DNHD1: variants seen among roughly 807,000 people sequenced by gnomAD.
The protein encoded by DNHD1 is dynein heavy chain domain-containing protein 1.
DNHD1 carries 383 observed loss-of-function variants against 458.1 expected under a neutral mutation model. That is an observed-to-expected ratio of 0.84 (90% CI 0.77 to 0.91). DNHD1 has a LOEUF of 0.91. Ranked by LOEUF, DNHD1 falls within the 40% of genes least tolerant of loss-of-function variation. The pLI is 0.00. For missense variants in DNHD1, 5,336 were observed against 5,866.1 expected, an observed-to-expected ratio of 0.91 and a Z score of 2.95; for synonymous variants, 2,203 against 2,376.9, an observed-to-expected ratio of 0.93 and a Z score of 2.13.
Position 6,520,039 on chromosome 11 carries a change from T to A in DNHD1, c.1722T>A (p.Cys574Ter). ...ATGGTCAACTGTCTCATGTGCCCTGTGTTGAAAATATGATCCAGACTCTAA... is the reference window on the plus strand; with the variant it reads ...ATGGTCAACTGTCTCATGTGCCCTGAGTTGAAAATATGATCCAGACTCTAA... ...DDHGQLSHVP[C>*]VENMIQTLTG... Residue 574 changes from cysteine to a stop codon, truncating the protein, a stop_gained, in exon 9 of 43, where the codon TGT (cysteine) becomes TGA (stop). Coordinates refer to ENST00000254579, the MANE Select transcript of DNHD1 (RefSeq NM_144666.3). LOFTEE classifies it high-confidence loss of function. 1 of 1,614,180 alleles carries A rather than the reference T, an allele frequency of 6.2e-7. No homozygotes were observed. Among genetic ancestry groups the A allele is most frequent in the Non-Finnish European group, 8.5e-7 (1 of 1,180,024 alleles).
chr11:6,502,677 A>T, intron 3 of DNHD1, 76 bp from the exon 4 acceptor site: 1 of 1,397,996 alleles, frequency 7.2e-7, no homozygotes, highest in Non-Finnish European at 9.5e-7. Flanking sequence ...TTCACTAGCC[A>T]ACAGTGGCAA....
At chr11:6,560,081 T>C (rs1353924264) in intron 28 of DNHD1, among the ~76,000 whole-genome samples, 2 of 152,250 alleles carry the variant, frequency 1.3e-5, no homozygotes, top group African/African-American at 2.4e-5. Context: ...GTTAAAGGTG[T>C]CTTCCCAAAC....
chr11:6,566,408 G>A lies in DNHD1; in HGVS notation c.11206+15G>A. On this transcript the variant is annotated intron_variant, in intron 34 of 42. Transcript: ENST00000254579. ...CATGGAAAAAGGTGAGGCCCAGAGG[G>A]CAAATTGCCAGCACAGTTGTGTGGA... 1.3e-6 allele frequency: 2 copies of A among 1,557,604 alleles called. No homozygotes were observed. Among genetic ancestry groups the A allele is most frequent in the Non-Finnish European group, 8.7e-7 (1 of 1,150,498 alleles).
intron 3 of DNHD1, among the ~76,000 whole-genome samples, chr11:6,501,245 G>C (rs1419997157): frequency 1.3e-5 from 2 of 151,858 alleles, no homozygotes; most frequent in Non-Finnish European, 2.9e-5. Context: ...TTAGCTTGAA[G>C]GGAAAAGACA....
chr11:6,547,709 A>C (rs554023448), intron 21 of DNHD1, 43 bp downstream of exon 21: 1 of 1,496,128 alleles, frequency 6.7e-7, no homozygotes, highest in Non-Finnish European at 9.0e-7. Context: ...TGGGGCCTTA[A>C]GGGTAGCTGG....
At chr11:6,538,288 T>A in intron 14 of DNHD1, 95 bp from the exon 15 acceptor site, 4 of 1,106,610 alleles carry the variant, frequency 3.6e-6, no homozygotes, top group Non-Finnish European at 5.3e-6. Context: ...TTCTGGACCC[T>A]ACCTTCTGTC....
intron 4 of DNHD1, chr11:6,508,432 A>G (rs1278380434): frequency 6.4e-6 from 1 of 155,614 alleles, no homozygotes; most frequent in Non-Finnish European, 1.4e-5. Context: ...GTCTTTCAGT[A>G]CCCAAGTATA....
chr11:6,524,906 A>G (rs1051106073), intron 10 of DNHD1, among the ~76,000 whole-genome samples: 2 of 152,214 alleles, frequency 1.3e-5, no homozygotes, highest in Non-Finnish European at 1.5e-5. Context: ...GTCTTGAAGT[A>G]GGTGCTTCCA....
rs1029553366 is a variant in DNHD1 at position 6,545,832 on chromosome 11, C to G, written c.4893C>G (p.Pro1631=). The part of the protein sequence containing the change: ...QSLKTIASSE[P]SLSPAACWID... Reference sequence around the variant, plus strand: ...TTAAGACTATTGCATCTTCTGAACCCTCTCTGTCACCAGCGGCATGCTGGA... The same window carrying G: ...TTAAGACTATTGCATCTTCTGAACCGTCTCTGTCACCAGCGGCATGCTGGA... The change falls in exon 21 of 43, where the codon CCC becomes CCG. Residue 1631 remains proline (P), a synonymous_variant. Transcript: ENST00000254579. This position sits in a 1 kb window ranked among gnomAD's most constrained non-coding sequence, Gnocchi z 4.9. 6.4e-7 allele frequency: 1 copy of G among 1,551,780 alleles called. No homozygotes were observed.
rs753566498 is a variant in DNHD1, at chr11:6,546,091, G to A, written c.5152G>A (p.Glu1718Lys). 23 of 1,551,418 alleles carry A rather than the reference G, an allele frequency of 1.5e-5. No homozygotes were observed. The highest frequency in any genetic ancestry group is 5.9e-5 in the Admixed American group (3 of 50,994). ...LVMLPCSPQIEAQCLSNYLNG... is the reference protein window; with the variant it reads ...LVMLPCSPQIKAQCLSNYLNG... ...GATGCTACCCTGCTCACCTCAGATAGAGGCTCAATGCCTGAGCAACTATCT... is the reference window on the plus strand; with the variant it reads ...GATGCTACCCTGCTCACCTCAGATAAAGGCTCAATGCCTGAGCAACTATCT... Residue 1718 changes from glutamate to lysine, a missense_variant, in exon 21 of 43, where the codon GAG (glutamate) becomes AAG (lysine). Glu to Lys is a moderately conservative substitution (Grantham distance 56). Transcript: ENST00000254579.
Position 6,547,305 on chromosome 11 carries a change from C to G in DNHD1, c.6366C>G (p.Thr2122=), listed in dbSNP as rs1013152680. 1.2e-5 allele frequency: 19 copies of G among 1,551,728 alleles called. No homozygotes were observed. The African/African-American group carries it at 2.1e-4, about 17-fold the overall frequency. ...AGCAGATAGCACGACCCCCAGGCACCTTTCTCTTGATGGAGGTGGCTGACA... is the reference window on the plus strand; with the variant it reads ...AGCAGATAGCACGACCCCCAGGCACGTTTCTCTTGATGGAGGTGGCTGACA... ...SGQQIARPPG[T]FLLMEVADTT... is the part of the protein sequence containing the mutation. The change falls in exon 21 of 43, where the codon ACC becomes ACG. Residue 2122 remains threonine (T), a synonymous_variant. Transcript: ENST00000254579.
chr11:6,529,183 G>T, intron 12 of DNHD1, 62 bp downstream of exon 12: 2 of 1,530,400 alleles, frequency 1.3e-6, no homozygotes, highest in Non-Finnish European at 1.8e-6. Context: ...CACATGGCCT[G>T]CCTTGGTCCT....
At position 6,547,557 on chromosome 11, in the gene DNHD1, G is replaced by A. The variant is rs140681479; in HGVS notation, c.6618G>A (p.Gly2206=). 1,674 of 1,550,970 alleles carry A rather than the reference G, an allele frequency of 1.1e-3. 1 individual carries two copies. The highest frequency in any genetic ancestry group is 1.4e-3 in the Non-Finnish European group (1,609 of 1,146,374). The stretch of plus-strand genomic sequence containing the variant: ...TCAGCTCTCTGCTGCAGGTACACGG[G>A]CAGCAGGCTGTTTGTGCAGGTGTGG... ...QGVSSLLQVH[G]QQAVCAGVAE... Residue 2206 remains glycine, a synonymous_variant, in exon 21 of 43, where the codon GGG becomes GGA. Coordinates refer to ENST00000254579, the MANE Select transcript of DNHD1 (RefSeq NM_144666.3).
chr11:6,529,668 C>A (rs1448784654), intron 12 of DNHD1, among the ~76,000 whole-genome samples: 1 of 152,114 alleles, frequency 6.6e-6, no homozygotes, highest in East Asian at 1.9e-4. Context: ...TTTCAAATGT[C>A]TTTTCCTCCC....
At chr11:6,516,414 C>T (rs1852470146) in intron 7 of DNHD1, among the ~76,000 whole-genome samples, 1 of 151,490 alleles carries the variant, frequency 6.6e-6, no homozygotes, top group Non-Finnish European at 1.5e-5. Flanking sequence ...TCTCCTACCT[C>T]AGCCTCCCGA....
intron 10 of DNHD1, 106 bp from the exon 11 acceptor site, chr11:6,528,404 GGTGTGTGTGTGT>G (rs55919773): frequency 1.9e-5 from 17 of 881,224 alleles, no homozygotes; most frequent in African/African-American, 1.2e-4. Context: ...GCAGCGAATG[GGTGTGTGTGTGT>G]GTGTGTGTGT....
chr11:6,540,211 CA>C, intron 18 of DNHD1, 128 bp downstream of exon 18: 1 of 770,148 alleles, frequency 1.3e-6, no homozygotes, highest in Non-Finnish European at 2.1e-6. Flanking sequence ...CAGCCTAAGA[CA>C]TTAGTCTGTT....
rs1040451620 is a variant in DNHD1, at chr11:6,505,140, G to A, written c.920+2214G>A. Among the ~76,000 whole-genome samples the A allele has an allele frequency of 7.9e-5, 12 of 151,432 alleles. No individual in the cohort carries two copies. Among genetic ancestry groups the A allele is most frequent in the African/African-American group, 2.2e-4 (9 of 41,196 alleles). ...GCCATTGCACCCGGCCCCATTCAGA[G>A]TTCTGAGTCTCAACTCTGCAAGGCC... On this transcript the variant is annotated intron_variant, in intron 4 of 42. Transcript: ENST00000254579. This position sits in a 1 kb window ranked among gnomAD's most constrained non-coding sequence, Gnocchi z 4.4.
Position 6,558,693 on chromosome 11 carries a change from G to A in DNHD1, c.9211G>A (p.Gly3071Ser), listed in dbSNP as rs375855514. The A allele has an allele frequency of 4.0e-4, 619 of 1,548,810 alleles. 8 individuals carry two copies. The South Asian group carries it at 6.4e-3, about 16-fold the overall frequency. Reference sequence around the variant, plus strand: ...TGCTCAGAGTGTGCCCCTTGATGACGGTAAGCCCTTTTTACTTGTCCTTAC... The same window carrying A: ...TGCTCAGAGTGTGCCCCTTGATGACAGTAAGCCCTTTTTACTTGTCCTTAC... ...EGAQSVPLDDGSWKYPDLQAS... is the reference protein window; with the variant it reads ...EGAQSVPLDDSSWKYPDLQAS... Residue 3071 changes from glycine to serine, a missense_variant and splice_region_variant, in exon 26 of 43, where the codon GGC (glycine) becomes AGC (serine). Gly to Ser is a moderately conservative substitution (Grantham distance 56). Around this residue, in one of 4 missense-constraint regions of DNHD1, gnomAD observed 3,932 missense variants for 4,365.6 expected, o/e 0.90. Transcript: ENST00000254579.
Sources: allele counts gnomAD v4.1 joint callset (sites outside exome capture counted in the v4.1 genomes callset), GRCh38; gene constraint gnomAD v4.1.1; regional missense constraint gnomAD v4.1.1; non-coding constraint Gnocchi (gnomAD v3.1); transcripts MANE v1.5; gene names NCBI Gene and HGNC (gene_info 2026-07-23, HGNC 2026-07-21).